KCNAB1: variants seen among roughly 807,000 people sequenced by gnomAD.
KCNAB1 encodes voltage-gated potassium channel subunit beta-1.
KCNAB1 carries 35 observed loss-of-function variants against 64.6 expected under a neutral mutation model. The ratio of observed to expected loss-of-function variants is 0.54; its 90% confidence interval spans 0.41 to 0.72. The LOEUF (loss-of-function observed/expected upper bound fraction) is 0.72. Among genes scored for constraint, KCNAB1 ranks in the 30% least tolerant of loss-of-function variants. KCNAB1 has a pLI of 0.00. For missense variants in KCNAB1, 401 were observed against 512.9 expected (o/e 0.78, Z 2.11); for synonymous variants, 177 against 183.8 (o/e 0.96, Z 0.30).
chr3:156,296,468 C>T (rs1324588821), intron 1 of KCNAB1, among the ~76,000 whole-genome samples: 1 of 148,538 alleles, frequency 6.7e-6, no homozygotes, highest in Non-Finnish European at 1.5e-5. Flanking sequence ...AACTCCCCCC[C>T]CCCCCACCTT....
chr3:156,283,152 G>A, intron 1 of KCNAB1, among the ~76,000 whole-genome samples: 1 of 151,794 alleles, frequency 6.6e-6, no homozygotes, highest in South Asian at 2.1e-4. Context: ...CTCTTGTAAG[G>A]CAGGCCTGGT....
At chr3:156,447,959 G>A (rs981342734) in intron 2 of KCNAB1, among the ~76,000 whole-genome samples, 5 of 152,160 alleles carry the variant, frequency 3.3e-5, no homozygotes, top group African/African-American at 1.2e-4. Flanking sequence ...GAATGAGTAC[G>A]CAAGAAGTAA....
chr3:156,307,598 C>T (rs1410754981), intron 1 of KCNAB1, among the ~76,000 whole-genome samples: 1 of 151,928 alleles, frequency 6.6e-6, no homozygotes, highest in Non-Finnish European at 1.5e-5. Context: ...TGTCATTTCC[C>T]CTCTGAGAGA....
chr3:156,415,752 A>T (rs1048733783), intron 1 of KCNAB1, among the ~76,000 whole-genome samples: 8 of 152,096 alleles, frequency 5.3e-5, no homozygotes, highest in African/African-American at 1.9e-4. Context: ...GAGCTCCTCA[A>T]GGCCCCATCG....
At chr3:156,350,742 T>C (rs1724804177) in intron 1 of KCNAB1, among the ~76,000 whole-genome samples, 1 of 152,260 alleles carries the variant, frequency 6.6e-6, no homozygotes, top group Admixed American at 6.5e-5. Flanking sequence ...AAAATGTGTT[T>C]TGATTCACCA....
chr3:156,535,100 G>C (rs1256856624), intron 13 of KCNAB1, among the ~76,000 whole-genome samples: 1 of 151,996 alleles, frequency 6.6e-6, no homozygotes, highest in East Asian at 1.9e-4. Flanking sequence ...TAGCTGTTTG[G>C]ACACTGAAAT....
intron 1 of KCNAB1, among the ~76,000 whole-genome samples, chr3:156,378,000 G>A (rs1033243634): frequency 1.3e-5 from 2 of 152,116 alleles, no homozygotes; most frequent in Admixed American, 1.3e-4. Flanking sequence ...TATGCATGGG[G>A]AGGAGCCCGC....
At chr3:156,142,910 C>G (rs767254126) in intron 1 of KCNAB1, 170 of 965,996 alleles carry the variant, frequency 1.8e-4, no homozygotes, top group Non-Finnish European at 2.0e-4. Flanking sequence ...ATGTTTGACT[C>G]TGAGTACTTT....
intron 1 of KCNAB1, among the ~76,000 whole-genome samples, chr3:156,392,020 A>G (rs1212806065): frequency 6.6e-6 from 1 of 152,196 alleles, no homozygotes; most frequent in Non-Finnish European, 1.5e-5. Flanking sequence ...TTCTTGGTAT[A>G]AAGCATGATT....
At chr3:156,252,578 G>C (rs1717892433) in intron 1 of KCNAB1, among the ~76,000 whole-genome samples, 1 of 152,144 alleles carries the variant, frequency 6.6e-6, no homozygotes, top group South Asian at 2.1e-4. Flanking sequence ...TGAAGTTTCT[G>C]AGGCTGTCTT....
chr3:156,232,074 A>G lies in KCNAB1; in HGVS notation c.275+111188A>G, dbSNP rs540791178. Among the ~76,000 whole-genome samples the G allele has an allele frequency of 2.0e-5, 3 of 152,330 alleles. No individual in the cohort carries two copies. The South Asian group carries it at 6.2e-4, about 32-fold the overall frequency. On this transcript the variant is annotated intron_variant, in intron 1 of 13. Transcript: ENST00000490337. ...TGAATCTAATGTTATTTTCCCATGT[A>G]TGTATCCCTTATTCAACATCAAACA...
intron 7 of KCNAB1, among the ~76,000 whole-genome samples, chr3:156,472,460 A>C (rs1713989856): frequency 1.3e-5 from 2 of 152,204 alleles, no homozygotes; most frequent in South Asian, 4.1e-4. Flanking sequence ...AATCTCACAC[A>C]GAATCCAAAG....
intron 1 of KCNAB1, among the ~76,000 whole-genome samples, chr3:156,184,961 G>A (rs1200769431): frequency 6.6e-6 from 1 of 152,120 alleles, no homozygotes; most frequent in East Asian, 1.9e-4. Flanking sequence ...GAATTCTCAT[G>A]CATATTATTT....
chr3:156,167,604 A>C (rs1711666521), intron 1 of KCNAB1, among the ~76,000 whole-genome samples: 1 of 152,218 alleles, frequency 6.6e-6, no homozygotes, highest in Non-Finnish European at 1.5e-5. Context: ...CTTTGAAGAA[A>C]AACTCATTGA....
chr3:156,312,206 C>T (rs764738216), intron 1 of KCNAB1, among the ~76,000 whole-genome samples: 25 of 152,152 alleles, frequency 1.6e-4, no homozygotes, highest in African/African-American at 5.3e-4. Flanking sequence ...GTAAAATAGG[C>T]GACAGGTATT....
At chr3:156,164,919 C>G (rs185043983) in intron 1 of KCNAB1, among the ~76,000 whole-genome samples, 2 of 152,296 alleles carry the variant, frequency 1.3e-5, no homozygotes, top group African/African-American at 4.8e-5. Context: ...AGCTGTACTG[C>G]TGTTTACATT....
downstream of KCNAB1, chr3:156,539,013 G>GTATT (rs1719277885): frequency 1.2e-5 from 1 of 82,650 alleles, no homozygotes; most frequent in East Asian, 4.8e-4. Context: ...ATATACTAAT[G>GTATT]TATTTCACAG....
At chr3:156,238,177 AT>A (rs1400450275) in intron 1 of KCNAB1, among the ~76,000 whole-genome samples, 1 of 152,140 alleles carries the variant, frequency 6.6e-6, no homozygotes, top group African/African-American at 2.4e-5. Context: ...TAATCCCAGC[AT>A]TTTGGGAGGC....
intron 2 of KCNAB1, among the ~76,000 whole-genome samples, chr3:156,424,529 G>C (rs574850670): frequency 6.6e-6 from 1 of 152,112 alleles, no homozygotes; most frequent in African/African-American, 2.4e-5. Context: ...TATCTTTACA[G>C]TAAATAACTA....
Sources: gnomAD v4.1 joint callset for allele counts (sites outside exome capture counted in the v4.1 genomes callset) on GRCh38, gnomAD v4.1.1 for gene constraint, MANE v1.5 for transcripts, NCBI Gene and HGNC (gene_info 2026-07-23, HGNC 2026-07-21) for gene names.